The following THRB variants were observed in gnomAD, a reference collection of about 807,000 sequenced individuals.
THRB encodes thyroid hormone receptor beta.
Under a neutral mutation model 47.8 loss-of-function variants are expected in THRB, and 12 were observed. That is an observed-to-expected ratio of 0.25 (90% CI 0.16 to 0.41). The LOEUF is 0.41. Ranked by LOEUF, THRB falls within the 10% of genes least tolerant of loss-of-function variation. THRB has a pLI of 1.00. For missense variants in THRB, 348 were observed against 589.2 expected (o/e 0.59, Z 4.24); for synonymous variants, 218 against 212.2 (o/e 1.03, Z -0.24).
At chr3:24,393,691 G>A (rs1182528835) in intron 1 of THRB, among the ~76,000 whole-genome samples, 1 of 152,108 alleles carries the variant, frequency 6.6e-6, no homozygotes, top group Non-Finnish European at 1.5e-5. Flanking sequence ...TGACGTATCA[G>A]CAAAGTCATG....
chr3:24,434,469 T>C (rs987895819), intron 1 of THRB, among the ~76,000 whole-genome samples: 2 of 152,208 alleles, frequency 1.3e-5, no homozygotes, highest in East Asian at 3.9e-4. Flanking sequence ...ACCAAAGTAA[T>C]GTTGAGCACA....
At chr3:24,258,431 T>C (rs1275919848) in intron 3 of THRB, among the ~76,000 whole-genome samples, 2 of 152,124 alleles carry the variant, frequency 1.3e-5, no homozygotes. Context: ...CAACCCACAG[T>C]CCAGTCCTGC....
At chr3:24,216,136 T>C (rs1458720182) in intron 4 of THRB, among the ~76,000 whole-genome samples, 1 of 152,208 alleles carries the variant, frequency 6.6e-6, no homozygotes, top group Non-Finnish European at 1.5e-5. Context: ...AATGGATGCT[T>C]AAGGTGTGAG....
chr3:24,193,388 T>C (rs1440306870), intron 4 of THRB, among the ~76,000 whole-genome samples: 1 of 152,180 alleles, frequency 6.6e-6, no homozygotes, highest in African/African-American at 2.4e-5. Flanking sequence ...CTCCAGGTGA[T>C]TCTGATACCC....
intron 1 of THRB, among the ~76,000 whole-genome samples, chr3:24,349,873 A>G (rs369592550): frequency 6.6e-6 from 1 of 152,110 alleles, no homozygotes; most frequent in Non-Finnish European, 1.5e-5. Flanking sequence ...GAGGTAATAA[A>G]GGAAAAGGTA....
At chr3:24,138,834 G>C (rs2035048895) in intron 8 of THRB, among the ~76,000 whole-genome samples, 1 of 152,186 alleles carries the variant, frequency 6.6e-6, no homozygotes, top group African/African-American at 2.4e-5. Context: ...CAGGGAAAAA[G>C]TAGGAAAGGT....
At chr3:24,213,697 A>G (rs1273273445) in intron 4 of THRB, among the ~76,000 whole-genome samples, 1 of 152,200 alleles carries the variant, frequency 6.6e-6, no homozygotes, top group Non-Finnish European at 1.5e-5. Flanking sequence ...TAAAAAATTA[A>G]TGGGTAATTC....
chr3:24,181,589 C>T (rs1304325266), intron 5 of THRB, among the ~76,000 whole-genome samples: 2 of 152,218 alleles, frequency 1.3e-5, no homozygotes, highest in South Asian at 2.1e-4. Flanking sequence ...TTTAAACCTA[C>T]GCTCAGGGTC....
At chr3:24,298,995 C>G (rs1339967995) in intron 2 of THRB, among the ~76,000 whole-genome samples, 2 of 151,822 alleles carry the variant, frequency 1.3e-5, no homozygotes, top group Non-Finnish European at 2.9e-5. Context: ...TGCCTGTAAT[C>G]CCAGCACTTT....
intron 2 of THRB, among the ~76,000 whole-genome samples, chr3:24,321,767 A>G (rs2058500913): frequency 6.6e-6 from 1 of 152,158 alleles, no homozygotes; most frequent in Non-Finnish European, 1.5e-5. Context: ...GTCACTAACC[A>G]CACATAGCTG....
At chr3:24,238,278 TGGG>T (rs67450132) in intron 3 of THRB, among the ~76,000 whole-genome samples, 4,402 of 29,992 alleles carry the variant, frequency 0.15, 368 homozygotes, top group African/African-American at 0.33. Flanking sequence ...TGTGTGTGTG[TGGG>T]GGGGGGGGGG....
chr3:24,466,153 C>T (rs866204149), intron 1 of THRB, among the ~76,000 whole-genome samples: 9 of 151,810 alleles, frequency 5.9e-5, no homozygotes, highest in South Asian at 2.1e-4. Flanking sequence ...TTGTAAATGA[C>T]TTCCTTCTTT....
chr3:24,293,899 A>G (rs1286109149), intron 3 of THRB, among the ~76,000 whole-genome samples: 3 of 152,224 alleles, frequency 2.0e-5, no homozygotes, highest in Admixed American at 6.5e-5. Context: ...TCAGAGTCTG[A>G]AAATGCCTGG....
chr3:24,426,534 A>G (rs2069778663), intron 1 of THRB, among the ~76,000 whole-genome samples: 1 of 151,948 alleles, frequency 6.6e-6, no homozygotes, highest in Non-Finnish European at 1.5e-5. Flanking sequence ...TTTTGCTTCC[A>G]TCCTAGAAAC....
rs146057515 is a variant in THRB at position 24,153,328 on chromosome 3, T to C, written c.284-838A>G. Among the ~76,000 whole-genome samples the C allele has an allele frequency of 5.3e-3, 813 of 152,304 alleles. 4 individuals are homozygous for C. The highest frequency in any genetic ancestry group is 0.011 in the Admixed American group (171 of 15,306). ...AGGCAGGACTAAAACCCCAGTCTCT[T>C]AATTTCTAGCCCTCCAGTGTAATAT... On this transcript the variant is annotated intron_variant, in intron 5 of 10. Transcript: ENST00000646209.
At chr3:24,474,389 CTT>C in intron 1 of THRB, among the ~76,000 whole-genome samples, 1 of 152,284 alleles carries the variant, frequency 6.6e-6, no homozygotes, top group Middle Eastern at 3.4e-3. Context: ...CCATCATACT[CTT>C]ATACTTCCTC....
At chr3:24,418,131 T>G (rs2068909633) in intron 1 of THRB, among the ~76,000 whole-genome samples, 1 of 151,822 alleles carries the variant, frequency 6.6e-6, no homozygotes, top group South Asian at 2.1e-4. Flanking sequence ...GACCCTTGCT[T>G]AAAGTCGATT....
rs1208652074 is a variant in THRB at position 24,121,613 on chromosome 3, T to G, written c.*1271A>C. On this transcript the variant is annotated 3_prime_UTR_variant, in exon 11 of 11. Coordinates refer to ENST00000646209, the MANE Select transcript of THRB (RefSeq NM_001354712.2). ...AGGAAAGTTAAGTGTGCACATGGTC[T>G]GCAGGTGTTTTCTATTGAGTATCTG... 3 of 152,482 alleles carry G rather than the reference T, an allele frequency of 2.0e-5. No homozygotes were observed. The East Asian group carries it at 5.8e-4, about 29-fold the overall frequency. The allele number at this position is 152,482 out of a possible 1,614,324, so 9.4% of individuals were successfully genotyped here. A position where few individuals can be genotyped will look rare whatever the true frequency, so the allele number is the denominator to read the frequency against.
At chr3:24,473,238 A>C (rs532110079) in intron 1 of THRB, among the ~76,000 whole-genome samples, 1 of 152,352 alleles carries the variant, frequency 6.6e-6, no homozygotes, top group African/African-American at 2.4e-5. Flanking sequence ...CCATTTTGGC[A>C]TATCAATTTT....
Sources: allele counts gnomAD v4.1 joint callset (sites outside exome capture counted in the v4.1 genomes callset), GRCh38; gene constraint gnomAD v4.1.1; transcripts MANE v1.5; gene names NCBI Gene and HGNC (gene_info 2026-07-23, HGNC 2026-07-21).